Variants in CTNND1 observed in about 807,000 individuals in gnomAD.
CTNND1 encodes the protein catenin delta 1, also known as catenin delta-1.
In CTNND1, 16 loss-of-function variants were observed where a neutral mutation model predicts 112.1. The ratio of observed to expected loss-of-function variants is 0.14; its 90% CI spans 0.10 to 0.22. The LOEUF (loss-of-function observed/expected upper bound fraction) is 0.22. CTNND1 is among the 10% of genes least tolerant of loss of function. CTNND1 has a pLI of 1.00. For synonymous variants in CTNND1, 420 were observed against 446.5 expected, an observed-to-expected ratio of 0.94 and a Z score of 0.75; for missense variants, 1,008 against 1,257.0, an observed-to-expected ratio of 0.80 and a Z score of 3.00.
intron 6 of CTNND1, among the ~76,000 whole-genome samples, chr11:57,800,290 T>TA (rs1418045534): frequency 3.3e-5 from 5 of 151,176 alleles, no homozygotes; most frequent in Admixed American, 6.6e-5. Context: ...TTCTTCGAAA[T>TA]AGAGTCTCGC....
intron 1 of CTNND1, among the ~76,000 whole-genome samples, chr11:57,781,227 G>A (rs2059545481): frequency 6.6e-6 from 1 of 152,056 alleles, no homozygotes; most frequent in African/African-American, 2.4e-5. Context: ...GTGAGCAACC[G>A]CACCTGGCCG....
intron 7 of CTNND1, among the ~76,000 whole-genome samples, chr11:57,803,334 C>T (rs550258547): frequency 2.8e-4 from 42 of 152,316 alleles, no homozygotes; most frequent in African/African-American, 9.4e-4. Flanking sequence ...GTGATCCGCC[C>T]GCCTTGGCCT....
intron 17 of CTNND1, among the ~76,000 whole-genome samples, chr11:57,813,364 G>C (rs1409677448): frequency 6.6e-6 from 1 of 152,134 alleles, no homozygotes; most frequent in Non-Finnish European, 1.5e-5. Context: ...CTTTTCTAAT[G>C]AAATAAACAG....
chr11:57,774,325 G>C (rs543870612), intron 1 of CTNND1, among the ~76,000 whole-genome samples: 1 of 152,306 alleles, frequency 6.6e-6, no homozygotes, highest in South Asian at 2.1e-4. Context: ...TTCCTTGAAG[G>C]CCATCTAAGA....
At chr11:57,815,257 C>T (rs1420139270) in intron 18 of CTNND1, 137 bp from the exon 19 acceptor site, 1 of 569,128 alleles carries the variant, frequency 1.8e-6, no homozygotes, top group African/African-American at 1.9e-5. Flanking sequence ...CGGGGACCAT[C>T]AGACTTTAAT....
chr11:57,774,852 T>A (rs928804849), intron 1 of CTNND1, among the ~76,000 whole-genome samples: 1 of 152,052 alleles, frequency 6.6e-6, no homozygotes, highest in Non-Finnish European at 1.5e-5. Flanking sequence ...TAGCTGGGAT[T>A]AAGGCATGCG....
At chr11:57,812,887 T>C (rs957453034) in intron 17 of CTNND1, among the ~76,000 whole-genome samples, 2 of 152,214 alleles carry the variant, frequency 1.3e-5, no homozygotes, top group Non-Finnish European at 2.9e-5. Context: ...ATGTGCGCAT[T>C]TGGCAGACAT....
At chr11:57,798,696 A>T (rs189564258) in intron 6 of CTNND1, among the ~76,000 whole-genome samples, 5 of 152,166 alleles carry the variant, frequency 3.3e-5, no homozygotes, top group Non-Finnish European at 7.3e-5. Flanking sequence ...GGACTGGTAC[A>T]TGGTTTGCCT....
At position 57,788,988 on chromosome 11, in the gene CTNND1, A is replaced by G. The variant is rs367630773; in HGVS notation, c.-213-49A>G. 224 of 1,233,120 alleles carry G rather than the reference A, an allele frequency of 1.8e-4. 1 individual carries two copies. In the East Asian group the frequency reaches 2.5e-3, roughly 14 times the overall value. 76.4% of individuals were successfully genotyped at this position (1,233,120 alleles called of 1,614,324 possible). A position where few individuals can be genotyped will look rare whatever the true frequency, so the allele number is the denominator to read the frequency against. On this transcript the variant is annotated intron_variant, in intron 1 of 20. Coordinates refer to ENST00000399050, the MANE Select transcript of CTNND1 (RefSeq NM_001085458.2). The surrounding 1 kb of genome is among the most constrained non-coding windows in gnomAD (Gnocchi z 4.1). ...CTCTTCTTGTTTTTATGTATTGGGT[A>G]TATTTTATTTTCCTCTCATTCCCAT... is the stretch of plus-strand genomic sequence containing the variant.
chr11:57,800,655 T>C (rs1265549418), intron 6 of CTNND1, among the ~76,000 whole-genome samples: 1 of 152,218 alleles, frequency 6.6e-6, no homozygotes, highest in African/African-American at 2.4e-5. Context: ...TTGATGTTGA[T>C]ACCTGTGAGG....
At chr11:57,785,164 C>T (rs2059995442) in intron 1 of CTNND1, among the ~76,000 whole-genome samples, 1 of 152,100 alleles carries the variant, frequency 6.6e-6, no homozygotes, top group Non-Finnish European at 1.5e-5. Flanking sequence ...AGAGGGGAGC[C>T]TGGGGAGGCT....
rs796841505 is a variant in CTNND1, at chr11:57,767,836, C to CTT, written c.-214+5731_-214+5732dup. On this transcript the variant is annotated intron_variant, in intron 1 of 20. Coordinates refer to ENST00000399050, the MANE Select transcript of CTNND1 (RefSeq NM_001085458.2). ...TTGTTGAACTAATGCCCTTGAAGGT[C>CTT]TTTTTTTTTTTTTTTGAGACGGAGT... Among the ~76,000 whole-genome samples, 118 of 140,856 alleles carry CTT rather than the reference C, an allele frequency of 8.4e-4. 1 individual carries two copies. The highest frequency in any genetic ancestry group is 7.2e-3 in the Middle Eastern group (2 of 276). The allele number at this position is 140,856 out of a possible 152,430, so 92.4% of individuals were successfully genotyped here.
At chr11:57,777,186 T>G (rs1954503226) in intron 1 of CTNND1, among the ~76,000 whole-genome samples, 1 of 152,350 alleles carries the variant, frequency 6.6e-6, no homozygotes, top group African/African-American at 2.4e-5. Context: ...TGAAGTTCCA[T>G]AGTGTTGCTA....
At chr11:57,770,840 A>T (rs1298014393) in intron 1 of CTNND1, among the ~76,000 whole-genome samples, 1 of 152,164 alleles carries the variant, frequency 6.6e-6, no homozygotes, top group East Asian at 1.9e-4. Context: ...AGTAAATCTC[A>T]TTGAAATAAA....
In CTNND1 at chr11:57,818,683, G is replaced by A. The variant is rs183357386; in HGVS notation, c.*2375G>A. The A allele has an allele frequency of 1.8e-4, 27 of 152,234 alleles. No homozygotes were observed. The highest frequency in any genetic ancestry group is 3.1e-4 in the Non-Finnish European group (21 of 68,010). The allele number at this position is 152,234 out of a possible 1,614,324, so 9.4% of individuals were successfully genotyped here. A position where few individuals can be genotyped will look rare whatever the true frequency, so the allele number is the denominator to read the frequency against. On this transcript the variant is annotated 3_prime_UTR_variant, in exon 21 of 21. Transcript: ENST00000399050. Reference sequence around the variant, plus strand: ...TTGAATGTGGCTGAAGTTGAACATGGGAGCTTATTGCTAATTTAGAGATAG... The same window carrying A: ...TTGAATGTGGCTGAAGTTGAACATGAGAGCTTATTGCTAATTTAGAGATAG...
chr11:57,812,988 G>A lies in CTNND1; in HGVS notation c.2639-1323G>A, dbSNP rs116748795. Among the ~76,000 whole-genome samples, 631 of 152,264 alleles carry A rather than the reference G, an allele frequency of 4.1e-3. 5 individuals are homozygous for A. Among genetic ancestry groups the A allele is most frequent in the African/African-American group, 0.015 (607 of 41,548 alleles). On this transcript the variant is annotated intron_variant, in intron 17 of 20. Transcript: ENST00000399050. ...GCTTTCAAGTGGAAATTGTAGTTTT[G>A]AAAAACTTTTATTTGCCACTGTGAG...
At chr11:57,773,532 A>G (rs1591214013) in intron 1 of CTNND1, among the ~76,000 whole-genome samples, 1 of 149,052 alleles carries the variant, frequency 6.7e-6, no homozygotes, top group East Asian at 2.0e-4. Context: ...GCTCACTGCA[A>G]CCTCCACCTC....
chr11:57,814,950 A>G (rs1052908522), intron 18 of CTNND1, among the ~76,000 whole-genome samples: 2 of 152,132 alleles, frequency 1.3e-5, no homozygotes, highest in African/African-American at 4.8e-5. Context: ...TATTTTATAC[A>G]TATTGTCTTC....
At chr11:57,768,055 G>A (rs1383354491) in intron 1 of CTNND1, among the ~76,000 whole-genome samples, 2 of 151,978 alleles carry the variant, frequency 1.3e-5, no homozygotes, top group Middle Eastern at 3.4e-3. Flanking sequence ...GGCTGGTCTC[G>A]AACTCCTGAC....
Sources: allele counts gnomAD v4.1 joint callset (sites outside exome capture counted in the v4.1 genomes callset), GRCh38; gene constraint gnomAD v4.1.1; non-coding constraint Gnocchi (gnomAD v3.1); transcripts MANE v1.5; gene names NCBI Gene and HGNC (gene_info 2026-07-23, HGNC 2026-07-21).